HGF: variants seen among roughly 807,000 people sequenced by gnomAD.
The protein encoded by HGF is fibroblast-derived tumor cytotoxic factor.
A neutral mutation model predicts 111.6 loss-of-function variants in HGF; 39 were observed. That is an observed-to-expected ratio of 0.35 (90% confidence interval 0.27 to 0.46). HGF has a LOEUF of 0.46. Among genes scored for constraint, HGF ranks in the 20% least tolerant of loss-of-function variants. The pLI, the probability that HGF is intolerant of heterozygous loss-of-function variation, is 1.00. For synonymous variants in HGF, 285 were observed against 294.8 expected, an observed-to-expected ratio of 0.97 and a Z score of 0.34; for missense variants, 735 against 910.5, an observed-to-expected ratio of 0.81 and a Z score of 2.48.
At chr7:81,753,572 C>T (rs1419283607) in intron 4 of HGF, among the ~76,000 whole-genome samples, 1 of 151,904 alleles carries the variant, frequency 6.6e-6, no homozygotes, top group Non-Finnish European at 1.5e-5. Flanking sequence ...GCGTCATGTA[C>T]CAAGCAATAT....
intron 2 of HGF, among the ~76,000 whole-genome samples, chr7:81,761,700 A>C (rs1789089753): frequency 1.4e-5 from 2 of 144,670 alleles, no homozygotes; most frequent in Admixed American, 1.5e-4. Context: ...CAAAACAAAG[A>C]GTTTTATCTT....
intron 5 of HGF, among the ~76,000 whole-genome samples, chr7:81,747,557 A>G (rs1788320843): frequency 6.6e-6 from 1 of 152,220 alleles, no homozygotes; most frequent in African/African-American, 2.4e-5. Context: ...AGTTAGCAAG[A>G]ATAATGTTAC....
At position 81,750,818 on chromosome 7, in the gene HGF, G is replaced by GTT. The variant is rs11378661; in HGVS notation, c.625+1300_625+1301dup. 9.7e-3 allele frequency: 2,906 copies of GTT among 299,854 alleles called. 34 individuals are homozygous for GTT. The highest frequency in any genetic ancestry group is 0.04 in the African/African-American group (1,763 of 43,976). 18.6% of individuals were successfully genotyped at this position (299,854 alleles called of 1,614,324 possible). A position where few individuals can be genotyped will look rare whatever the true frequency, so the allele number is the denominator to read the frequency against. On this transcript the variant is annotated intron_variant, in intron 5 of 17. Transcript: ENST00000222390. Reference sequence around the variant, plus strand: ...TAGGAGAGATTCCCCTAAAAGTAGGGTTTTTTTTCTTCCATGTGCAAGTTT... The same window carrying GTT: ...TAGGAGAGATTCCCCTAAAAGTAGGGTTTTTTTTTTCTTCCATGTGCAAGTTT...
intron 7 of HGF, among the ~76,000 whole-genome samples, chr7:81,736,892 G>GGGGTGTGTGTGTGT (rs1554369018): frequency 2.7e-5 from 1 of 37,652 alleles, no homozygotes. Flanking sequence ...TATGTGTAGA[G>GGGGTGTGTGTGTGT]GGGTGTGTGT....
chr7:81,702,939 A>AG (rs1447357496), intron 17 of HGF, among the ~76,000 whole-genome samples, 182 bp from the exon 18 acceptor site: 5 of 151,764 alleles, frequency 3.3e-5, no homozygotes, highest in South Asian at 2.1e-4. Flanking sequence ...GAATTAGCCA[A>AG]GACTGAGATA....
chr7:81,743,733 G>A lies in HGF; in HGVS notation c.747-262C>T, dbSNP rs1387043763. Among the ~76,000 whole-genome samples the A allele has an allele frequency of 2.6e-5, 4 of 151,998 alleles. No individual in the cohort carries two copies. In the South Asian group the frequency reaches 6.2e-4, roughly 24 times the overall value. On this transcript the variant is annotated intron_variant, in intron 6 of 17. Coordinates refer to ENST00000222390, the MANE Select transcript of HGF (RefSeq NM_000601.6). ...TTTCCACTAGCTGAGGTTCCAAATCGAGTCTCTTTCTCTTAGAACCCACTT... is the reference window on the plus strand; with the variant it reads ...TTTCCACTAGCTGAGGTTCCAAATCAAGTCTCTTTCTCTTAGAACCCACTT...
In HGF at chr7:81,722,443, G is replaced by T. The variant is rs942424177; in HGVS notation, c.1169-1596C>A. On this transcript the variant is annotated intron_variant, in intron 9 of 17. Coordinates refer to ENST00000222390, the MANE Select transcript of HGF (RefSeq NM_000601.6). ...GACTTCCAAAGTGCTGGGATTACAG[G>T]CATGAGCCACTGCGCCCGGCCATAT... Among the ~76,000 whole-genome samples the T allele has an allele frequency of 2.0e-5, 3 of 151,882 alleles. No individual in the cohort carries two copies. The East Asian group carries it at 5.9e-4, about 30-fold the overall frequency.
chr7:81,705,436 G>T lies in HGF; in HGVS notation c.1964C>A (p.Ser655Tyr), dbSNP rs2115760155. ...HHRGKVTLNE[S>Y]EICAGAEKIG... ...CTTTTCAGCCCCAGCACATATTTCA[G>T]ACTCATTCAGAGTCACCTTCCCTCG... Residue 655 changes from serine to tyrosine, a missense_variant, in exon 17 of 18, where the codon TCT (serine) becomes TAT (tyrosine). Physicochemically the swap from Ser to Tyr is moderately radical, Grantham distance 144 (BLOSUM62 -2). Around this residue, in one of 3 missense-constraint regions of HGF, gnomAD observed 130 missense variants for 129.9 expected, o/e 1.00. Coordinates refer to ENST00000222390, the MANE Select transcript of HGF (RefSeq NM_000601.6). The T allele has an allele frequency of 6.2e-7, 1 of 1,612,782 alleles. No individual in the cohort carries two copies. Among genetic ancestry groups the T allele is most frequent in the Non-Finnish European group, 8.5e-7 (1 of 1,179,158 alleles).
intron 2 of HGF, among the ~76,000 whole-genome samples, 195 bp from the exon 3 acceptor site, chr7:81,758,999 G>C (rs1021976057): frequency 6.6e-6 from 1 of 152,030 alleles, no homozygotes; most frequent in East Asian, 1.9e-4. Context: ...ACAAAATTAA[G>C]TTTTTGTAGG....
At chr7:81,740,912 T>C (rs1370519443) in intron 7 of HGF, among the ~76,000 whole-genome samples, 2 of 152,132 alleles carry the variant, frequency 1.3e-5, no homozygotes, top group Non-Finnish European at 2.9e-5. Flanking sequence ...ACAGAAAATA[T>C]AAGATAATAA....
rs2115780211 is a variant in HGF at position 81,707,376 on chromosome 7, A to G, written c.1542-12T>C. On this transcript the variant is annotated splice_polypyrimidine_tract_variant and intron_variant, in intron 13 of 17. Coordinates refer to ENST00000222390, the MANE Select transcript of HGF (RefSeq NM_000601.6). ...AGATATGTTTATTTCTGTGAAAAAG[A>G]GGAAAGAGAAACAAGTAACATCTGT... 1 of 1,533,324 alleles carries G rather than the reference A, an allele frequency of 6.5e-7. No homozygotes were observed. The highest frequency in any genetic ancestry group is 9.0e-7 in the Non-Finnish European group (1 of 1,107,476). 95.0% of individuals were successfully genotyped at this position (1,533,324 alleles called of 1,614,324 possible). A position where few individuals can be genotyped will look rare whatever the true frequency, so the allele number is the denominator to read the frequency against.
In HGF at chr7:81,729,512, T is replaced by A. The variant is rs1467235212; in HGVS notation, c.1040+93A>T. 3.2e-6 allele frequency: 3 copies of A among 932,260 alleles called. No individual in the cohort carries two copies. In the Admixed American group the frequency reaches 5.3e-5, roughly 16 times the overall value. The allele number at this position is 932,260 out of a possible 1,614,324, so 57.7% of individuals were successfully genotyped here. ...GATTATCACTGGGCACGCTGAAGTTTGATCACTAACACAAAATTAGTAAAA... is the reference window on the plus strand; with the variant it reads ...GATTATCACTGGGCACGCTGAAGTTAGATCACTAACACAAAATTAGTAAAA... On this transcript the variant is annotated intron_variant, in intron 8 of 17. Coordinates refer to ENST00000222390, the MANE Select transcript of HGF (RefSeq NM_000601.6).
intron 6 of HGF, among the ~76,000 whole-genome samples, chr7:81,744,646 G>A (rs912730856): frequency 6.6e-6 from 1 of 152,082 alleles, no homozygotes; most frequent in African/African-American, 2.4e-5. Context: ...CTTTGGTTTT[G>A]TTTTGTTTCT....
At chr7:81,734,085 A>C (rs1787750019) in intron 7 of HGF, among the ~76,000 whole-genome samples, 1 of 152,278 alleles carries the variant, frequency 6.6e-6, no homozygotes, top group South Asian at 2.1e-4. Context: ...AAAACACAGA[A>C]ACATTCCCAA....
chr7:81,757,030 A>G (rs1788808609), intron 4 of HGF, 159 bp downstream of exon 4: 2 of 633,248 alleles, frequency 3.2e-6, no homozygotes, highest in African/African-American at 3.7e-5. Context: ...ATCATTTGCT[A>G]AATATCAGTC....
At chr7:81,720,596 G>T in intron 10 of HGF, 149 bp downstream of exon 10, 1 of 634,888 alleles carries the variant, frequency 1.6e-6, no homozygotes, top group Non-Finnish European at 2.8e-6. Context: ...ACAATGTTAT[G>T]ATGAGTTGTA....
At chr7:81,742,764 T>C (rs1301009980) in intron 7 of HGF, 38 of 1,511,796 alleles carry the variant, frequency 2.5e-5, no homozygotes, top group Non-Finnish European at 2.8e-5. Context: ...AATGATTGTA[T>C]GGACTGCTAA....
At position 81,702,513 on chromosome 7, in the gene HGF, C is replaced by T. The variant is rs1789307761; in HGVS notation, c.*68G>A. On this transcript the variant is annotated 3_prime_UTR_variant, in exon 18 of 18. Transcript: ENST00000222390. ...TTGTTGTAAGTGACATTTTAAATTC[C>T]ACATTCTCTGAAATCTTCATGTAAA... is the stretch of plus-strand genomic sequence containing the variant. 2 of 1,290,354 alleles carry T rather than the reference C, an allele frequency of 1.5e-6. No individual in the cohort carries two copies. Among genetic ancestry groups the T allele is most frequent in the African/African-American group, 1.5e-5 (1 of 68,232 alleles). 79.9% of individuals were successfully genotyped at this position (1,290,354 alleles called of 1,614,324 possible). A position where few individuals can be genotyped will look rare whatever the true frequency, so the allele number is the denominator to read the frequency against.
rs1449964973 is a variant in HGF at position 81,717,265 on chromosome 7, G to C, written c.1372C>G (p.Leu458Val). ...ATAGGGCAATAATCCCAAGGAATGA[G>C]TGGATTTCCCGTGTAGCACCAGGGT... The part of the protein sequence containing the change: ...HGPWCYTGNP[L>V]IPWDYCPISR... The change falls in exon 11 of 18, where the codon CTC (leucine) becomes GTC (valine). Residue 458 changes from leucine (L) to valine (V), a missense_variant. Physicochemically the swap from Leu to Val is conservative, Grantham distance 32. Transcript: ENST00000222390. 8.7e-6 allele frequency: 14 copies of C among 1,613,598 alleles called. No homozygotes were observed. The highest frequency in any genetic ancestry group is 1.2e-5 in the Non-Finnish European group (14 of 1,179,670).
Sources: gnomAD v4.1 joint callset for allele counts (sites outside exome capture counted in the v4.1 genomes callset) on GRCh38, gnomAD v4.1.1 for gene constraint, gnomAD v4.1.1 regional missense constraint, MANE v1.5 for transcripts, NCBI Gene and HGNC (gene_info 2026-07-23, HGNC 2026-07-21) for gene names.